The following JAK1 variants were observed in gnomAD, a reference collection of about 807,000 sequenced individuals.
JAK1 encodes the protein tyrosine-protein kinase JAK1.
A neutral mutation model predicts 136.6 loss-of-function variants in JAK1; 16 were observed. The observed-to-expected ratio is 0.12, with a 90% CI of 0.08 to 0.18. JAK1 has a LOEUF of 0.18. Ranked by LOEUF, JAK1 falls within the 10% of genes least tolerant of loss-of-function variation. The probability of loss-of-function intolerance (pLI) is 1.00; values close to 1 mark genes in which losing one functional copy is unlikely to be tolerated. For synonymous variants in JAK1, 492 were observed against 519.5 expected, an observed-to-expected ratio of 0.95 and a Z score of 0.72; for missense variants, 859 against 1,450.1, an observed-to-expected ratio of 0.59 and a Z score of 6.62.
At chr1:64,877,068 C>T (rs563818200) in intron 4 of JAK1, among the ~76,000 whole-genome samples, 2 of 152,114 alleles carry the variant, frequency 1.3e-5, no homozygotes, top group Non-Finnish European at 2.9e-5. Flanking sequence ...GCTTGGTGTT[C>T]TCATCATACG....
rs757181632 is a variant in JAK1, at chr1:64,835,398, C to G, written c.3367G>C (p.Glu1123Gln). Reference protein sequence around the residue: ...RLPCPPNCPDEVYQLMRKCWE... With the variant: ...RLPCPPNCPDQVYQLMRKCWE... ...ACTGTGACGTGGCCCATAGATACCT[C>G]ATCTGGACAGTTAGGTGGGCACGGC... Residue 1123 changes from glutamate (E) to glutamine (Q), a missense_variant and splice_region_variant, in exon 24 of 25, where the codon GAG (glutamate) becomes CAG (glutamine). Transcript: ENST00000342505. 3 of 1,561,258 alleles carry G rather than the reference C, an allele frequency of 1.9e-6. No homozygotes were observed. The highest frequency in any genetic ancestry group is 2.3e-5 in the South Asian group (2 of 86,936).
At chr1:65,018,192 G>A (rs1157098598) in intron 2 of JAK1, among the ~76,000 whole-genome samples, 1 of 151,968 alleles carries the variant, frequency 6.6e-6, no homozygotes, top group Non-Finnish European at 1.5e-5. Flanking sequence ...GCTAAAAAGT[G>A]TTTACAGAGC....
chr1:64,848,779 G>C (rs1181016123), intron 12 of JAK1, among the ~76,000 whole-genome samples: 1 of 152,202 alleles, frequency 6.6e-6, no homozygotes, highest in East Asian at 1.9e-4. Flanking sequence ...TGGAAATGCA[G>C]AAAAGGGACT....
In JAK1 at chr1:65,057,373, A is replaced by G. The variant is rs145257329; in HGVS notation, c.-181+10231T>C. ...TTTCACCCCCAGCAGTACTCTCTAG[A>G]GTAAGATGGAGGTTGAAGATGTGTG... On this transcript the variant is annotated intron_variant, in intron 1 of 25. Transcript: ENST00000671954. Among the ~76,000 whole-genome samples, 28 of 152,296 alleles carry G rather than the reference A, an allele frequency of 1.8e-4. No individual in the cohort carries two copies. In the East Asian group the frequency reaches 5.2e-3, roughly 28 times the overall value.
intron 1 of JAK1, chr1:65,057,787 A>T (rs1420668119): frequency 1.3e-5 from 2 of 154,924 alleles, no homozygotes; most frequent in Non-Finnish European, 2.9e-5. Flanking sequence ...ATTTGATAGA[A>T]ATAAAATAAT....
intron 2 of JAK1, among the ~76,000 whole-genome samples, chr1:64,997,915 A>T (rs894909796): frequency 6.6e-6 from 1 of 152,208 alleles, no homozygotes; most frequent in African/African-American, 2.4e-5. Context: ...CTCTCATCTT[A>T]TCTTTAAAAC....
intron 1 of JAK1, among the ~76,000 whole-genome samples, chr1:64,935,819 T>C (rs1362028031): frequency 3.3e-5 from 5 of 152,172 alleles, no homozygotes; most frequent in Admixed American, 2.6e-4. Context: ...AGCCACCATA[T>C]TGAGTCTTTA....
intron 1 of JAK1, among the ~76,000 whole-genome samples, chr1:65,045,440 CAGTT>C (rs2100845083): frequency 1.3e-5 from 2 of 152,146 alleles, no homozygotes; most frequent in African/African-American, 4.8e-5. Flanking sequence ...GGGAGAGTGG[CAGTT>C]AGAGTTCAAA....
intron 1 of JAK1, among the ~76,000 whole-genome samples, chr1:64,932,690 C>T (rs1645719012): frequency 1.3e-5 from 2 of 152,154 alleles, no homozygotes; most frequent in Non-Finnish European, 2.9e-5. Flanking sequence ...CACTCAGCTA[C>T]TCCTAACACT....
intron 1 of JAK1, among the ~76,000 whole-genome samples, chr1:64,910,012 T>C (rs1645255723): frequency 6.6e-6 from 1 of 152,194 alleles, no homozygotes; most frequent in Admixed American, 6.5e-5. Context: ...GTATATTCTT[T>C]ATTGACTCTC....
intron 20 of JAK1, among the ~76,000 whole-genome samples, chr1:64,839,269 C>T (rs1289628702): frequency 6.6e-6 from 1 of 151,542 alleles, no homozygotes; most frequent in Non-Finnish European, 1.5e-5. Context: ...ATTTAGACAA[C>T]TAGAAAATGA....
rs1309702170 is a variant in JAK1, at chr1:64,885,201, T to C, written c.6+1058A>G. On this transcript the variant is annotated intron_variant, in intron 2 of 24. Transcript: ENST00000342505. ...TGAAACAGTTAGTTCATAATTAACC[T>C]TGAAATTCAGATCAACAAGCAAGAC... Among the ~76,000 whole-genome samples the C allele has an allele frequency of 3.9e-5, 6 of 152,202 alleles. No homozygotes were observed. The East Asian group carries it at 1.2e-3, about 29-fold the overall frequency.
intron 2 of JAK1, among the ~76,000 whole-genome samples, chr1:65,004,638 G>C (rs1646789144): frequency 6.6e-6 from 1 of 152,176 alleles, no homozygotes; most frequent in Non-Finnish European, 1.5e-5. Flanking sequence ...AAAACAAGTA[G>C]ATGTGAAGAT....
chr1:64,928,778 CAAAAA>C lies in JAK1; in HGVS notation c.-78+37550_-78+37554del, dbSNP rs1183218798. The stretch of plus-strand genomic sequence containing the variant: ...AGGTTCTGAGTGCTATAAAACTCTG[CAAAAA>C]AAAAAAAAAAAAACAAAAAAAAAAA... On this transcript the variant is annotated intron_variant, in intron 1 of 24. Transcript: ENST00000342505. Among the ~76,000 whole-genome samples the C allele has an allele frequency of 1.6e-4, 10 of 61,152 alleles. 1 individual carries two copies. The highest frequency in any genetic ancestry group is 4.9e-4 in the East Asian group (1 of 2,052). The allele number at this position is 61,152 out of a possible 152,430, so 40.1% of individuals were successfully genotyped here.
intron 1 of JAK1, among the ~76,000 whole-genome samples, chr1:64,928,472 G>A (rs934869747): frequency 6.6e-6 from 1 of 152,080 alleles, no homozygotes; most frequent in African/African-American, 2.4e-5. Flanking sequence ...GTGCATTCAT[G>A]TGCCTACACA....
intron 4 of JAK1, among the ~76,000 whole-genome samples, chr1:64,875,782 T>C (rs1657367006): frequency 1.3e-5 from 2 of 152,042 alleles, no homozygotes; most frequent in African/African-American, 4.8e-5. Flanking sequence ...TCCCTTACCC[T>C]CCGCTGGTGA....
chr1:64,883,519 T>C lies in JAK1; in HGVS notation c.7-44A>G, dbSNP rs771732506. 2.0e-6 allele frequency: 3 copies of C among 1,532,550 alleles called. No homozygotes were observed. In the Admixed American group the frequency reaches 5.3e-5, roughly 27 times the overall value. 94.9% of individuals were successfully genotyped at this position (1,532,550 alleles called of 1,614,324 possible). ...AAGACTATGTGGTCACTCTATGTGC[T>C]AAAAGTTCTTATGGCAAAAGGGAGT... On this transcript the variant is annotated intron_variant, in intron 2 of 24. Transcript: ENST00000342505.
intron 1 of JAK1, among the ~76,000 whole-genome samples, chr1:64,951,434 C>G (rs914875376): frequency 6.6e-6 from 1 of 152,114 alleles, no homozygotes; most frequent in Non-Finnish European, 1.5e-5. Flanking sequence ...AAATAAGTCT[C>G]TTCACAGGGT....
upstream of JAK1, among the ~76,000 whole-genome samples, chr1:64,966,863 G>GA (rs1289079371): frequency 6.6e-6 from 1 of 151,952 alleles, no homozygotes; most frequent in Non-Finnish European, 1.5e-5. Flanking sequence ...CCCAGCTCTG[G>GA]AGCCCCCTCC....
Sources: allele counts gnomAD v4.1 joint callset (sites outside exome capture counted in the v4.1 genomes callset), GRCh38; gene constraint gnomAD v4.1.1; transcripts MANE v1.5; gene names NCBI Gene and HGNC (gene_info 2026-07-23, HGNC 2026-07-21).